The following MAGED1 variants were observed in gnomAD, a reference collection of about 807,000 sequenced individuals.
MAGED1 encodes the protein melanoma-associated antigen D1.
In MAGED1, 3 loss-of-function variants were observed where a neutral mutation model predicts 54.1. The observed-to-expected ratio is 0.06, with a 90% CI of 0.03 to 0.14. MAGED1 has a LOEUF of 0.14. Ranked by LOEUF, MAGED1 falls within the 10% of genes least tolerant of loss-of-function variation. The pLI, the probability that MAGED1 is intolerant of heterozygous loss-of-function variation, is 1.00. For missense variants in MAGED1, 485 were observed against 623.4 expected, an observed-to-expected ratio of 0.78 and a Z score of 2.36; for synonymous variants, 217 against 227.3, an observed-to-expected ratio of 0.95 and a Z score of 0.41.
intron 1 of MAGED1, among the ~76,000 whole-genome samples, chrX:51,835,456 G>A (rs782143199): frequency 3.6e-5 from 4 of 110,969 alleles, no homozygotes; most frequent in African/African-American, 9.8e-5. Context: ...TTGTGTCATC[G>A]TAAAGTTGAA....
chrX:51,827,375 G>T (rs915041616), intron 1 of MAGED1, among the ~76,000 whole-genome samples: 3 of 112,324 alleles, frequency 2.7e-5, no homozygotes, highest in Non-Finnish European at 5.6e-5. Flanking sequence ...TGGCTTCCAG[G>T]GTTTGGGGGT....
chrX:51,871,238 C>A (rs1392806497), intron 1 of MAGED1, among the ~76,000 whole-genome samples: 1 of 110,677 alleles, frequency 9.0e-6, no homozygotes, highest in Non-Finnish European at 1.9e-5. Flanking sequence ...TCGTTTTACA[C>A]CTGCCCTTCT....
chrX:51,878,177 G>A (rs898045985), intron 1 of MAGED1, among the ~76,000 whole-genome samples: 2 of 111,394 alleles, frequency 1.8e-5, no homozygotes, highest in Admixed American at 9.6e-5. Context: ...GTGCATTGAG[G>A]TTCTACTTGC....
intron 2 of MAGED1, 23 bp from the exon 3 acceptor site, chrX:51,895,029 AT>A (rs782164609): frequency 1.0e-5 from 12 of 1,155,161 alleles, no homozygotes; most frequent in African/African-American, 5.4e-5. Flanking sequence ...CAGAGATTTA[AT>A]TTTTTCCCCC....
intron 1 of MAGED1, among the ~76,000 whole-genome samples, chrX:51,865,309 A>G (rs1450221977): frequency 8.9e-6 from 1 of 111,956 alleles, no homozygotes; most frequent in Non-Finnish European, 1.9e-5. Context: ...TTGTTCACTG[A>G]TATATCCCAA....
rs1928780174 is a variant in MAGED1 at position 51,896,903 on chromosome X, G to T, written c.1248G>T (p.Trp416Cys). The T allele has an allele frequency of 8.3e-7, 1 of 1,205,360 alleles. No homozygotes were observed. Among genetic ancestry groups the T allele is most frequent in the Non-Finnish European group, 1.1e-6 (1 of 893,165 alleles). ...CCGACTGGCCACTGCCACCTGATTG[G>T]CCACTTCCCACTGACTGGCCACTAC... ...LPPDWPLPPDWPLPTDWPLPP... is the reference protein window; with the variant it reads ...LPPDWPLPPDCPLPTDWPLPP... Residue 416 changes from tryptophan to cysteine, a missense_variant, in exon 4 of 13, where the codon TGG becomes TGT. This residue lies in a region of MAGED1 where 186 missense variants were observed against 330.3 expected (regional missense o/e 0.56). Transcript: ENST00000326587.
chrX:51,823,060 G>C (rs1925703190), intron 1 of MAGED1, among the ~76,000 whole-genome samples: 2 of 111,967 alleles, frequency 1.8e-5, no homozygotes, highest in African/African-American at 6.5e-5. Flanking sequence ...ATGGAGACTT[G>C]TTTTATGATC....
intron 1 of MAGED1, among the ~76,000 whole-genome samples, chrX:51,818,063 G>A (rs1340252145): frequency 1.8e-5 from 2 of 111,545 alleles, no homozygotes; most frequent in East Asian, 2.8e-4. Context: ...AGTCACTAAC[G>A]ACAATATCGT....
chrX:51,890,104 A>G (rs1450063408), upstream of MAGED1, among the ~76,000 whole-genome samples: 1 of 111,938 alleles, frequency 8.9e-6, no homozygotes, highest in African/African-American at 3.2e-5. Context: ...TAACCTCTGC[A>G]TGGACTAGAG....
intron 1 of MAGED1, among the ~76,000 whole-genome samples, chrX:51,807,257 C>T: frequency 9.0e-6 from 1 of 111,367 alleles, no homozygotes; most frequent in Non-Finnish European, 1.9e-5. Flanking sequence ...TTATGAGGTG[C>T]CTGTTCAAAT....
chrX:51,895,421 T>C lies in MAGED1; in HGVS notation c.414T>C (p.Ala138=). 8.3e-7 allele frequency: 1 copy of C among 1,207,087 alleles called. No homozygotes were observed. The highest frequency in any genetic ancestry group is 1.1e-6 in the Non-Finnish European group (1 of 892,944). The change falls in exon 3 of 13, where the codon GCT becomes GCC. Residue 138 remains alanine, a synonymous_variant. Coordinates refer to ENST00000326587, the MANE Select transcript of MAGED1 (RefSeq NM_006986.4). ...AGGCAGCAACCACTGGTGAGTTAGC[T>C]GCTAACAAGTCTGAGATGGCCTTCA... ...FSQAATTGEL[A]ANKSEMAFKA... is the part of the protein sequence containing the mutation.
chrX:51,900,794 G>C (rs1928987135), intron 11 of MAGED1, among the ~76,000 whole-genome samples: 1 of 110,552 alleles, frequency 9.0e-6, no homozygotes, highest in South Asian at 3.9e-4. Flanking sequence ...CACCATGCCT[G>C]GCTAAATTTT....
At chrX:51,807,145 G>A (rs1190000164) in intron 1 of MAGED1, among the ~76,000 whole-genome samples, 1 of 111,558 alleles carries the variant, frequency 9.0e-6, no homozygotes, top group Non-Finnish European at 1.9e-5. Context: ...CTTTGTCTTG[G>A]TAGCTATTCT....
intron 1 of MAGED1, among the ~76,000 whole-genome samples, chrX:51,827,904 GGC>G (rs1219680527): frequency 9.0e-6 from 1 of 111,329 alleles, no homozygotes. Flanking sequence ...CTAATACTAT[GGC>G]ACCTTGATTA....
At chrX:51,869,652 T>G (rs1927587705) in intron 1 of MAGED1, among the ~76,000 whole-genome samples, 1 of 110,834 alleles carries the variant, frequency 9.0e-6, no homozygotes, top group Non-Finnish European at 1.9e-5. Flanking sequence ...GCGAATCGCT[T>G]GAGCTCAGGA....
At chrX:51,863,977 T>C (rs1334560783) in intron 1 of MAGED1, among the ~76,000 whole-genome samples, 2 of 111,563 alleles carry the variant, frequency 1.8e-5, no homozygotes, top group Non-Finnish European at 1.9e-5. Flanking sequence ...CCTTGCTGTG[T>C]AGAAACTTTG....
intron 1 of MAGED1, among the ~76,000 whole-genome samples, chrX:51,845,548 C>T (rs1007557534): frequency 5.4e-5 from 6 of 111,144 alleles, no homozygotes; most frequent in Non-Finnish European, 1.1e-4. Flanking sequence ...GCAGATAATT[C>T]GTTTTGCAGT....
At chrX:51,896,203 G>GC (rs1928741876) in intron 3 of MAGED1, 3 of 436,767 alleles carry the variant, frequency 6.9e-6, no homozygotes, top group Non-Finnish European at 1.2e-5. Flanking sequence ...GAAGCCTCAG[G>GC]CCCCATCTTT....
rs782423064 is a variant in MAGED1, at chrX:51,895,147, C to G, written c.140C>G (p.Ala47Gly). 2.4e-5 allele frequency: 29 copies of G among 1,210,410 alleles called. No homozygotes were observed. The highest frequency in any genetic ancestry group is 4.4e-5 in the Admixed American group (2 of 45,888). Residue 47 changes from alanine to glycine, a missense_variant, in exon 3 of 13, where the codon GCA becomes GGA. By Grantham distance (60) the Ala-to-Gly change is moderately conservative. Coordinates refer to ENST00000326587, the MANE Select transcript of MAGED1 (RefSeq NM_006986.4). Reference protein sequence around the residue: ...SEAPPTNQATAAASPQSSQPP... With the variant: ...SEAPPTNQATGAASPQSSQPP... Reference sequence around the variant, plus strand: ...GCTCCACCTACTAACCAGGCCACCGCAGCTGCTAGTCCCCAGAGTTCACAG... The same window carrying G: ...GCTCCACCTACTAACCAGGCCACCGGAGCTGCTAGTCCCCAGAGTTCACAG...
Sources: allele counts gnomAD v4.1 joint callset (sites outside exome capture counted in the v4.1 genomes callset), GRCh38; gene constraint gnomAD v4.1.1; regional missense constraint gnomAD v4.1.1; transcripts MANE v1.5; gene names NCBI Gene and HGNC (gene_info 2026-07-23, HGNC 2026-07-21).